CLIC2: variants seen among roughly 807,000 people sequenced by gnomAD.
CLIC2 encodes chloride intracellular channel protein 2.
Under a neutral mutation model 14.8 loss-of-function variants are expected in CLIC2, and 9 were observed. That is an observed-to-expected ratio of 0.61 (90% CI 0.37 to 1.06). The LOEUF (loss-of-function observed/expected upper bound fraction) is 1.06, where lower values mean the gene tolerates loss of function less well. Among genes scored for constraint, CLIC2 ranks in the 50% least tolerant of loss-of-function variants. CLIC2 has a pLI of 0.01. For missense variants in CLIC2, 148 were observed against 181.4 expected (o/e 0.82, Z 1.06); for synonymous variants, 61 against 66.3 (o/e 0.92, Z 0.39).
chrX:155,296,485 G>A (rs2074992476), intron 3 of CLIC2, among the ~76,000 whole-genome samples: 1 of 111,683 alleles, frequency 9.0e-6, no homozygotes, highest in Non-Finnish European at 1.9e-5. Flanking sequence ...CAAAAGCACA[G>A]GCAATAGAAA....
intron 1 of CLIC2, among the ~76,000 whole-genome samples, chrX:155,313,060 T>C (rs1247463429): frequency 1.8e-5 from 2 of 110,135 alleles, no homozygotes; most frequent in East Asian, 2.8e-4. Flanking sequence ...AAGTCAAAAA[T>C]AGGCTGGGCA....
intron 1 of CLIC2, among the ~76,000 whole-genome samples, chrX:155,324,952 A>C (rs2075130880): frequency 8.9e-6 from 1 of 111,958 alleles, no homozygotes; most frequent in African/African-American, 3.2e-5. Context: ...AAGTGGGTGA[A>C]GGATATGAGC....
chrX:155,291,198 A>T (rs782340586), intron 3 of CLIC2: 4 of 982,002 alleles, frequency 4.1e-6, no homozygotes, highest in Non-Finnish European at 4.4e-6. Flanking sequence ...GTCCTCCAAC[A>T]GGGGTAAAAC....
intron 1 of CLIC2, among the ~76,000 whole-genome samples, chrX:155,328,448 C>T (rs183679478): frequency 9.1e-6 from 1 of 110,242 alleles, no homozygotes; most frequent in Admixed American, 9.7e-5. Context: ...AACAAAAATA[C>T]TAAAAGATTT....
Position 155,278,205 on chromosome X carries a change from G to A in CLIC2, c.583-141C>T, listed in dbSNP as rs191956001. ...ATAAAATAAACTATGAAGTAGACAC[G>A]AATCTTGGACTATTTTGATGTTTTG... On this transcript the variant is annotated intron_variant, in intron 5 of 5. Transcript: ENST00000369449. The A allele has an allele frequency of 2.6e-5, 13 of 504,375 alleles. 1 individual carries two copies. The Admixed American group carries it at 3.0e-4, about 12-fold the overall frequency. 41.6% of individuals were successfully genotyped at this position (504,375 alleles called of 1,213,427 possible). A position where few individuals can be genotyped will look rare whatever the true frequency, so the allele number is the denominator to read the frequency against.
chrX:155,321,052 T>C (rs1159824499), intron 1 of CLIC2, among the ~76,000 whole-genome samples: 1 of 111,262 alleles, frequency 9.0e-6, no homozygotes, highest in Non-Finnish European at 1.9e-5. Context: ...CTCCAAGAAA[T>C]ATAGGACTAT....
In CLIC2 at chrX:155,277,776, T is replaced by G; in HGVS notation, c.*127A>C. 1.8e-6 allele frequency: 1 copy of G among 566,813 alleles called. No homozygotes were observed. The highest frequency in any genetic ancestry group is 2.9e-6 in the Non-Finnish European group (1 of 343,192). 46.7% of individuals were successfully genotyped at this position (566,813 alleles called of 1,213,427 possible). ...TTATGGCTAATAGAAAATACAGAGT[T>G]CCTTTTCATAAGAGAGTTGGATAGA... On this transcript the variant is annotated 3_prime_UTR_variant, in exon 6 of 6. Coordinates refer to ENST00000369449, the MANE Select transcript of CLIC2 (RefSeq NM_001289.6).
At chrX:155,295,395 A>C (rs2074988658) in intron 3 of CLIC2, among the ~76,000 whole-genome samples, 1 of 110,564 alleles carries the variant, frequency 9.0e-6, no homozygotes, top group South Asian at 3.8e-4. Context: ...TATATGATAA[A>C]CCCACAGCTG....
chrX:155,333,631 T>C (rs2075164383), intron 1 of CLIC2, among the ~76,000 whole-genome samples: 1 of 110,269 alleles, frequency 9.1e-6, no homozygotes, highest in Non-Finnish European at 1.9e-5. Context: ...GAATAACCCA[T>C]ATAAATTTTT....
chrX:155,292,039 G>A, intron 3 of CLIC2: 1 of 539,142 alleles, frequency 1.9e-6, no homozygotes, highest in East Asian at 3.4e-5. Context: ...CATCCAAAAA[G>A]AGGCGAATGG....
intron 3 of CLIC2, chrX:155,292,901 G>T: frequency 1.0e-6 from 1 of 1,000,673 alleles, no homozygotes; most frequent in Admixed American, 2.2e-5. Context: ...GTGCCTCAAG[G>T]GAAGTAGGAA....
chrX:155,284,484 C>T (rs1487748277), intron 3 of CLIC2, among the ~76,000 whole-genome samples: 1 of 110,885 alleles, frequency 9.0e-6, no homozygotes, highest in Non-Finnish European at 1.9e-5. Flanking sequence ...GTCTCGAACT[C>T]CTGACTTCAG....
chrX:155,286,730 A>G (rs1471951657), intron 3 of CLIC2, among the ~76,000 whole-genome samples: 1 of 112,420 alleles, frequency 8.9e-6, no homozygotes, highest in African/African-American at 3.2e-5. Flanking sequence ...CATTTCTCCA[A>G]TGATCACTAA....
At chrX:155,328,796 A>C (rs1329190463) in intron 1 of CLIC2, among the ~76,000 whole-genome samples, 1 of 111,142 alleles carries the variant, frequency 9.0e-6, no homozygotes, top group African/African-American at 3.3e-5. Flanking sequence ...AGTGGAAAAG[A>C]ATAGAGAACC....
At position 155,299,101 on chromosome X, in the gene CLIC2, T is replaced by C; in HGVS notation, c.102A>G (p.Gln34=). The C allele has an allele frequency of 3.3e-6, 4 of 1,210,285 alleles. No individual in the cohort carries two copies. The highest frequency in any genetic ancestry group is 4.5e-6 in the Non-Finnish European group (4 of 894,252). The part of the protein sequence containing the change: ...GESIGNCPFC[Q]RLFMILWLKG... ...TAAGCCAGAGGATCATGAAAAGGCG[T>C]TGGCAAAAGGGACAGTTTCCAATAC... is the stretch of plus-strand genomic sequence containing the variant. Residue 34 remains glutamine, a synonymous_variant, in exon 2 of 6, where the codon CAA becomes CAG. Coordinates refer to ENST00000369449, the MANE Select transcript of CLIC2 (RefSeq NM_001289.6).
intron 1 of CLIC2, among the ~76,000 whole-genome samples, chrX:155,316,082 T>C (rs1037019448): frequency 6.3e-5 from 7 of 111,426 alleles, no homozygotes; most frequent in Admixed American, 5.7e-4. Context: ...TAAATATATA[T>C]GCACCTAACA....
chrX:155,312,984 T>TA (rs1385778754), intron 1 of CLIC2, among the ~76,000 whole-genome samples: 4 of 110,283 alleles, frequency 3.6e-5, no homozygotes, highest in African/African-American at 1.3e-4. Flanking sequence ...CCCTGATAAT[T>TA]AGAGAAATTC....
chrX:155,319,663 G>GT (rs1341455146), intron 1 of CLIC2, among the ~76,000 whole-genome samples: 19 of 108,538 alleles, frequency 1.8e-4, no homozygotes, highest in African/African-American at 2.7e-4. Context: ...AGCTGCAGGA[G>GT]TTTTTTTTTT....
At position 155,290,550 on chromosome X, in the gene CLIC2, G is replaced by C. The variant is rs2074960742; in HGVS notation, c.293+8235C>G. The C allele has an allele frequency of 6.9e-6, 4 of 580,538 alleles. No homozygotes were observed. In the Admixed American group the frequency reaches 9.0e-5, roughly 13 times the overall value. 47.8% of individuals were successfully genotyped at this position (580,538 alleles called of 1,213,427 possible). A position where few individuals can be genotyped will look rare whatever the true frequency, so the allele number is the denominator to read the frequency against. On this transcript the variant is annotated intron_variant, in intron 3 of 5. Transcript: ENST00000369449. The stretch of plus-strand genomic sequence containing the variant: ...TTGTCTTTCTACAATTTCTAGCAGA[G>C]GGCTCTTGCAGCTAGAATACAGCAT...
Sources: gnomAD v4.1 joint callset for allele counts (sites outside exome capture counted in the v4.1 genomes callset) on GRCh38, gnomAD v4.1.1 for gene constraint, MANE v1.5 for transcripts, NCBI Gene and HGNC (gene_info 2026-07-23, HGNC 2026-07-21) for gene names.